Variants in MCUR1 observed in about 807,000 individuals in gnomAD.
MCUR1 encodes MCU regulator 1.
In MCUR1, 37 loss-of-function variants were observed where a neutral mutation model predicts 42.0. The observed-to-expected ratio is 0.88, with a 90% CI of 0.68 to 1.16. MCUR1 has a LOEUF of 1.16. Ranked by LOEUF, MCUR1 falls within the 50% of genes most tolerant of loss-of-function variation. The pLI is 0.00. For missense variants in MCUR1, 469 were observed against 468.4 expected, an observed-to-expected ratio of 1.00 and a Z score of -0.01; for synonymous variants, 229 against 196.2, an observed-to-expected ratio of 1.17 and a Z score of -1.40.
At chr6:13,791,835 A>G in intron 8 of MCUR1, 43 bp downstream of exon 8, 1 of 1,354,000 alleles carries the variant, frequency 7.4e-7, no homozygotes, top group Non-Finnish European at 1.0e-6. Context: ...TTATAAATTT[A>G]TTTTCTTTTC....
Position 13,787,127 on chromosome 6 carries a change from A to T in MCUR1, c.*3682T>A, listed in dbSNP as rs901871303. ...AAGATAAATGCTTGCCAATACTGAC[A>T]TGGTTAATTAACAGACAGGCTTGAA... is the stretch of plus-strand genomic sequence containing the variant. On this transcript the variant is annotated 3_prime_UTR_variant, in exon 9 of 9. Transcript: ENST00000379170. 1 of 152,214 alleles carries T rather than the reference A, an allele frequency of 6.6e-6. No individual in the cohort carries two copies. The allele number at this position is 152,214 out of a possible 1,614,324, so 9.4% of individuals were successfully genotyped here.
chr6:13,799,286 G>A (rs189330768), intron 5 of MCUR1, among the ~76,000 whole-genome samples: 3 of 151,760 alleles, frequency 2.0e-5, no homozygotes, highest in Admixed American at 2.0e-4. Context: ...CTGCGTTCAA[G>A]CAATTCTCCT....
rs755905475 is a variant in MCUR1, at chr6:13,790,047, G to A, written c.*762C>T. 2.6e-5 allele frequency: 4 copies of A among 152,202 alleles called. No homozygotes were observed. The highest frequency in any genetic ancestry group is 4.4e-5 in the Non-Finnish European group (3 of 68,040). The allele number at this position is 152,202 out of a possible 1,614,324, so 9.4% of individuals were successfully genotyped here. ...AGCTGAAACAATACTATGGTACAGG[G>A]ACTAGCTCATGTTAAAGACTGGTTA... On this transcript the variant is annotated 3_prime_UTR_variant, in exon 9 of 9. Transcript: ENST00000379170.
At position 13,801,495 on chromosome 6, in the gene MCUR1, A is replaced by C. The variant is rs146231937; in HGVS notation, c.640-106T>G. ...ATTGAGAAACCAGGACAATGTGGAC[A>C]CAAAAAGAGGTTCAGTAGGGTCATC... On this transcript the variant is annotated intron_variant, in intron 3 of 8. Coordinates refer to ENST00000379170, the MANE Select transcript of MCUR1 (RefSeq NM_001031713.4). The C allele has an allele frequency of 1.7e-4, 126 of 754,560 alleles. No homozygotes were observed. The African/African-American group carries it at 1.9e-3, about 12-fold the overall frequency. The allele number at this position is 754,560 out of a possible 1,614,324, so 46.7% of individuals were successfully genotyped here.
rs374831728 is a variant in MCUR1, at chr6:13,802,322, A to G, written c.560T>C (p.Ile187Thr). ...GATCTTGACCAATGCAGACACAATG[A>G]TTTCTGCTTGTTGAGTAGCAAACCC... ...DNGFATQQAE[I>T]IVSALVKILE... Residue 187 changes from isoleucine to threonine, a missense_variant, in exon 3 of 9, where the codon ATC becomes ACC. Coordinates refer to ENST00000379170, the MANE Select transcript of MCUR1 (RefSeq NM_001031713.4). 3 of 1,613,596 alleles carry G rather than the reference A, an allele frequency of 1.9e-6. No homozygotes were observed. In the African/African-American group the frequency reaches 4.0e-5, roughly 22 times the overall value.
chr6:13,800,390 C>T lies in MCUR1; in HGVS notation c.742-8G>A. On this transcript the variant is annotated splice_polypyrimidine_tract_variant and splice_region_variant and intron_variant, in intron 4 of 8. Coordinates refer to ENST00000379170, the MANE Select transcript of MCUR1 (RefSeq NM_001031713.4). Reference sequence around the variant, plus strand: ...TAGTTCGAGTTTTATTTTCTAAAAACACATAAAAAAAAAGTCATTAGAAAG... The same window carrying T: ...TAGTTCGAGTTTTATTTTCTAAAAATACATAAAAAAAAAGTCATTAGAAAG... 6.9e-7 allele frequency: 1 copy of T among 1,443,980 alleles called. No individual in the cohort carries two copies. The highest frequency in any genetic ancestry group is 1.4e-5 in the African/African-American group (1 of 69,618). The allele number at this position is 1,443,980 out of a possible 1,614,324, so 89.4% of individuals were successfully genotyped here. A position where few individuals can be genotyped will look rare whatever the true frequency, so the allele number is the denominator to read the frequency against.
Position 13,814,308 on chromosome 6 carries a change from C to G in MCUR1, c.122G>C (p.Cys41Ser). The G allele has an allele frequency of 6.6e-7, 1 of 1,505,166 alleles. No individual in the cohort carries two copies. The highest frequency in any genetic ancestry group is 8.8e-7 in the Non-Finnish European group (1 of 1,133,236). The allele number at this position is 1,505,166 out of a possible 1,614,324, so 93.2% of individuals were successfully genotyped here. The stretch of plus-strand genomic sequence containing the variant: ...CAGACCGTCGGAGAGCGCAGAGAGG[C>G]AGCGGCGTGCTGAGGTTTCGCTGCC... ...PGGSETSARR[C>S]LSALSDGLGA... is the part of the protein sequence containing the mutation. Residue 41 changes from cysteine to serine, a missense_variant, in exon 1 of 9, where the codon TGC becomes TCC. Cys to Ser is a moderately radical substitution (Grantham distance 112). Coordinates refer to ENST00000379170, the MANE Select transcript of MCUR1 (RefSeq NM_001031713.4).
At chr6:13,813,698 G>A (rs1257718975) in intron 1 of MCUR1, among the ~76,000 whole-genome samples, 2 of 152,226 alleles carry the variant, frequency 1.3e-5, no homozygotes, top group African/African-American at 2.4e-5. Context: ...CTGCCAAACA[G>A]AACTCCTGGA....
intron 2 of MCUR1, among the ~76,000 whole-genome samples, chr6:13,802,781 A>G (rs1411454022): frequency 6.6e-6 from 1 of 152,100 alleles, no homozygotes; most frequent in African/African-American, 2.4e-5. Context: ...GGTGGACAAT[A>G]TTTCTTTAAT....
intron 5 of MCUR1, 104 bp from the exon 6 acceptor site, chr6:13,799,008 G>A (rs1759925551): frequency 1.5e-6 from 1 of 680,318 alleles, no homozygotes; most frequent in Non-Finnish European, 2.6e-6. Context: ...CCCTATCCTA[G>A]GCGAGGCAAC....
In MCUR1 at chr6:13,791,201, G is replaced by A. The variant is rs1220747441; in HGVS notation, c.1025-337C>T. On this transcript the variant is annotated intron_variant, in intron 8 of 8. Transcript: ENST00000379170. ...GCTACAGGCAGATGACACCATGCCC[G>A]GCTAAATCTTTTTGTAGAGACTAGG... Among the ~76,000 whole-genome samples the A allele has an allele frequency of 2.6e-5, 4 of 152,080 alleles. No individual in the cohort carries two copies. The South Asian group carries it at 8.3e-4, about 32-fold the overall frequency.
In MCUR1 at chr6:13,798,883, T is replaced by C. The variant is rs770518075; in HGVS notation, c.805A>G (p.Thr269Ala). ...QVMDEVIKVRTDTKLDFNLEK... is the reference protein window; with the variant it reads ...QVMDEVIKVRADTKLDFNLEK... ...AGGTTGAAGTCTAATTTGGTATCTG[T>C]TCGGACTTTGATCACTTCATCCTAA... Residue 269 changes from threonine (T) to alanine (A), a missense_variant, in exon 6 of 9, where the codon ACA (threonine) becomes GCA (alanine). Transcript: ENST00000379170. The C allele has an allele frequency of 6.2e-7, 1 of 1,609,970 alleles. No individual in the cohort carries two copies. Among genetic ancestry groups the C allele is most frequent in the South Asian group, 1.1e-5 (1 of 90,800 alleles).
At chr6:13,805,416 A>G (rs1760094130) in intron 2 of MCUR1, among the ~76,000 whole-genome samples, 1 of 152,242 alleles carries the variant, frequency 6.6e-6, no homozygotes, top group Non-Finnish European at 1.5e-5. Flanking sequence ...ATTATTACAC[A>G]GCATATGACA....
At chr6:13,803,193 C>G (rs2113469669) in intron 2 of MCUR1, among the ~76,000 whole-genome samples, 1 of 152,274 alleles carries the variant, frequency 6.6e-6, no homozygotes, top group Admixed American at 6.5e-5. Flanking sequence ...TCCGGAGTAG[C>G]TGGAATTACA....
chr6:13,795,370 T>C (rs1759834159), intron 6 of MCUR1, among the ~76,000 whole-genome samples: 1 of 152,218 alleles, frequency 6.6e-6, no homozygotes, highest in African/African-American at 2.4e-5. Context: ...AGCCTAAATA[T>C]TGACGCTGTC....
At chr6:13,795,977 T>C (rs780304177) in intron 6 of MCUR1, among the ~76,000 whole-genome samples, 4 of 152,238 alleles carry the variant, frequency 2.6e-5, no homozygotes, top group African/African-American at 7.2e-5. Context: ...TTGTGTCATG[T>C]AGAAAAAGTT....
chr6:13,798,689 T>C, intron 6 of MCUR1, 144 bp downstream of exon 6: 1 of 473,826 alleles, frequency 2.1e-6, no homozygotes, highest in Non-Finnish European at 3.5e-6. Flanking sequence ...CCAAAATTAT[T>C]ATAATAGAGA....
chr6:13,804,500 C>T (rs112159989), intron 2 of MCUR1, among the ~76,000 whole-genome samples: 1,780 of 151,674 alleles, frequency 0.012, 15 homozygotes, highest in Non-Finnish European at 0.016. Context: ...CTTGGCCGGG[C>T]GCGGTGGCTC....
chr6:13,797,999 G>A (rs1221730504), intron 6 of MCUR1, among the ~76,000 whole-genome samples: 2 of 151,696 alleles, frequency 1.3e-5, no homozygotes, highest in East Asian at 1.9e-4. Flanking sequence ...CTCCGGCCTC[G>A]GCAACACACT....
Sources: allele counts gnomAD v4.1 joint callset (sites outside exome capture counted in the v4.1 genomes callset), GRCh38; gene constraint gnomAD v4.1.1; transcripts MANE v1.5; gene names NCBI Gene and HGNC (gene_info 2026-07-23, HGNC 2026-07-21).